AKAIN1: variants seen among roughly 807,000 people sequenced by gnomAD.
The protein encoded by AKAIN1 is A-kinase anchor inhibitor 1.
Under a neutral mutation model 3.7 loss-of-function variants are expected in AKAIN1, and 3 were observed. That is an observed-to-expected ratio of 0.82 (90% CI 0.37 to 2.12). AKAIN1 has a LOEUF of 2.12. Among genes scored for constraint, AKAIN1 ranks in the 30% most tolerant of loss-of-function variants. The pLI, the probability that AKAIN1 is intolerant of heterozygous loss-of-function variation, is 0.06. For synonymous variants in AKAIN1, 31 were observed against 30.8 expected (o/e 1.01, Z -0.02); for missense variants, 82 against 82.7 (o/e 0.99, Z 0.03).
chr18:5,180,880 C>T (rs943410512), intron 1 of AKAIN1, among the ~76,000 whole-genome samples: 1 of 152,034 alleles, frequency 6.6e-6, no homozygotes, highest in African/African-American at 2.4e-5. Context: ...TTCCATAGAG[C>T]CCTCCTGTCT....
chr18:5,188,872 TTG>T (rs2071302549), intron 1 of AKAIN1, among the ~76,000 whole-genome samples: 2 of 152,172 alleles, frequency 1.3e-5, no homozygotes, highest in Non-Finnish European at 2.9e-5. Flanking sequence ...TAATAAAGGC[TTG>T]CCTGAACTTG....
intron 1 of AKAIN1, among the ~76,000 whole-genome samples, chr18:5,163,338 T>C (rs1156397568): frequency 6.6e-6 from 1 of 152,102 alleles, no homozygotes; most frequent in African/African-American, 2.4e-5. Flanking sequence ...ATATTACTTA[T>C]CTATCCCCTC....
intron 1 of AKAIN1, among the ~76,000 whole-genome samples, chr18:5,156,259 A>C (rs1199994757): frequency 1.3e-5 from 2 of 152,108 alleles, no homozygotes; most frequent in African/African-American, 4.8e-5. Context: ...AACAAACAAA[A>C]AAAACACCCC....
intron 1 of AKAIN1, among the ~76,000 whole-genome samples, chr18:5,189,448 A>G (rs2071306748): frequency 6.6e-6 from 1 of 152,078 alleles, no homozygotes; most frequent in African/African-American, 2.4e-5. Context: ...TTCCATTTTA[A>G]TTATAAATTT....
intron 1 of AKAIN1, among the ~76,000 whole-genome samples, chr18:5,168,500 C>G (rs1257212423): frequency 6.9e-6 from 1 of 145,036 alleles, no homozygotes; most frequent in Admixed American, 6.7e-5. Context: ...CAGTTCAGAT[C>G]CAAAACTCAT....
At chr18:5,149,434 G>A (rs1337260684) in intron 1 of AKAIN1, among the ~76,000 whole-genome samples, 3 of 152,178 alleles carry the variant, frequency 2.0e-5, no homozygotes, top group Non-Finnish European at 4.4e-5. Context: ...TCGTAGCCAA[G>A]TGTCCAGGAA....
At chr18:5,160,840 C>T (rs2071135114) in intron 1 of AKAIN1, among the ~76,000 whole-genome samples, 1 of 148,746 alleles carries the variant, frequency 6.7e-6, no homozygotes, top group Non-Finnish European at 1.5e-5. Flanking sequence ...GCCATGCCTC[C>T]TTCATTATAA....
rs185141980 is a variant in AKAIN1, at chr18:5,173,857, G to T, written c.16+23181C>A. Among the ~76,000 whole-genome samples, 179 of 152,128 alleles carry T rather than the reference G, an allele frequency of 1.2e-3. 1 individual carries two copies. The highest frequency in any genetic ancestry group is 6.8e-3 in the Middle Eastern group (2 of 294). ...ATCCCCCCTCGGCCATCTGCTGTGC[G>T]CCATTAGAGACCGAGAAATGGAATT... On this transcript the variant is annotated intron_variant, in intron 1 of 1. Coordinates refer to ENST00000434239, the MANE Select transcript of AKAIN1 (RefSeq NM_001145194.2).
In AKAIN1 at chr18:5,145,262, T is replaced by C. The variant is rs2071041887; in HGVS notation, c.*300A>G. 4.0e-6 allele frequency: 1 copy of C among 253,110 alleles called. No homozygotes were observed. Among genetic ancestry groups the C allele is most frequent in the Non-Finnish European group, 7.6e-6 (1 of 131,988 alleles). 15.7% of individuals were successfully genotyped at this position (253,110 alleles called of 1,614,324 possible). On this transcript the variant is annotated 3_prime_UTR_variant, in exon 2 of 2. Coordinates refer to ENST00000434239, the MANE Select transcript of AKAIN1 (RefSeq NM_001145194.2). ...AAGGCAGAAGTAAATAAACGAGACATAGAATTCTTTTTTTCAAATAAAAGA... is the reference window on the plus strand; with the variant it reads ...AAGGCAGAAGTAAATAAACGAGACACAGAATTCTTTTTTTCAAATAAAAGA...
chr18:5,159,174 CTT>C (rs36002870), intron 1 of AKAIN1, among the ~76,000 whole-genome samples: 4 of 146,410 alleles, frequency 2.7e-5, no homozygotes, highest in Non-Finnish European at 4.5e-5. Flanking sequence ...TGTTTTACGT[CTT>C]TTTTTTTTTC....
At chr18:5,152,359 A>G (rs567247405) in intron 1 of AKAIN1, among the ~76,000 whole-genome samples, 2 of 152,190 alleles carry the variant, frequency 1.3e-5, no homozygotes, top group African/African-American at 4.8e-5. Flanking sequence ...TCGGTATGAG[A>G]ATGCAACATC....
intron 1 of AKAIN1, among the ~76,000 whole-genome samples, chr18:5,160,574 A>G (rs1195718741): frequency 6.6e-6 from 1 of 152,160 alleles, no homozygotes; most frequent in Non-Finnish European, 1.5e-5. Flanking sequence ...ATGTAATCAA[A>G]TCTGGGTTTT....
intron 1 of AKAIN1, among the ~76,000 whole-genome samples, chr18:5,191,134 G>A (rs931463413): frequency 1.6e-4 from 25 of 152,152 alleles, no homozygotes; most frequent in African/African-American, 6.0e-4. Context: ...AGGCAAGAAT[G>A]TCTTCTTATT....
chr18:5,155,113 T>C (rs2071099972), intron 1 of AKAIN1, among the ~76,000 whole-genome samples: 1 of 152,038 alleles, frequency 6.6e-6, no homozygotes, highest in African/African-American at 2.4e-5. Context: ...CTCGAACTCC[T>C]GGGCTCAAGT....
chr18:5,166,411 G>A (rs1490382594), intron 1 of AKAIN1, among the ~76,000 whole-genome samples: 2 of 151,894 alleles, frequency 1.3e-5, no homozygotes, highest in African/African-American at 4.8e-5. Context: ...TCTTTGCTAT[G>A]CTCTGTTTCC....
chr18:5,152,336 C>T (rs1039058360), intron 1 of AKAIN1, among the ~76,000 whole-genome samples: 5 of 152,196 alleles, frequency 3.3e-5, no homozygotes, highest in African/African-American at 9.7e-5. Context: ...CCAACCCACA[C>T]AGAGGAACAG....
intron 1 of AKAIN1, among the ~76,000 whole-genome samples, chr18:5,174,415 A>T (rs2071214337): frequency 6.6e-6 from 1 of 152,128 alleles, no homozygotes; most frequent in Non-Finnish European, 1.5e-5. Context: ...AAGTTTGCCC[A>T]CTTGTATAAA....
chr18:5,192,515 C>T (rs929790813), intron 1 of AKAIN1, among the ~76,000 whole-genome samples: 12 of 151,498 alleles, frequency 7.9e-5, no homozygotes, highest in Non-Finnish European at 1.5e-4. Flanking sequence ...ATTCTCCTGC[C>T]TTGGCATCCC....
chr18:5,165,074 T>C lies in AKAIN1; in HGVS notation c.17-19319A>G, dbSNP rs191092889. On this transcript the variant is annotated intron_variant, in intron 1 of 1. Coordinates refer to ENST00000434239, the MANE Select transcript of AKAIN1 (RefSeq NM_001145194.2). ...CTGCTGTGTACAATTGGTGTCTCTC[T>C]TATGTTTATGCCAATCTGCCAGGCT... 9.4e-4 allele frequency among the ~76,000 whole-genome samples: 143 copies of C among 152,136 alleles called. 3 individuals carry two copies. The East Asian group carries it at 0.021, about 22-fold the overall frequency.
Sources: allele counts gnomAD v4.1 joint callset (sites outside exome capture counted in the v4.1 genomes callset), GRCh38; gene constraint gnomAD v4.1.1; transcripts MANE v1.5; gene names NCBI Gene and HGNC (gene_info 2026-07-23, HGNC 2026-07-21).